The following ZCCHC14 variants were observed in gnomAD, a reference collection of about 807,000 sequenced individuals.
ZCCHC14 encodes zinc finger CCHC-type containing 14.
Under a neutral mutation model 85.0 loss-of-function variants are expected in ZCCHC14, and 16 were observed. That is an observed-to-expected ratio of 0.19 (90% CI 0.13 to 0.29). The LOEUF (loss-of-function observed/expected upper bound fraction) is 0.29. Among genes scored for constraint, ZCCHC14 ranks in the 10% least tolerant of loss-of-function variants. The pLI is 1.00. For missense variants in ZCCHC14, 1,303 were observed against 1,443.5 expected, an observed-to-expected ratio of 0.90 and a Z score of 1.58; for synonymous variants, 775 against 630.7, an observed-to-expected ratio of 1.23 and a Z score of -3.43.
chr16:87,430,008 C>T (rs910515304), intron 3 of ZCCHC14, among the ~76,000 whole-genome samples: 1 of 152,238 alleles, frequency 6.6e-6, no homozygotes, highest in Non-Finnish European at 1.5e-5. Context: ...TTCTCCTAAT[C>T]TTTGCCTTTT....
Position 87,407,192 on chromosome 16 carries a change from A to C in ZCCHC14, c.*3088T>G, listed in dbSNP as rs1597393849. 1 of 152,282 alleles carries C rather than the reference A, an allele frequency of 6.6e-6. No homozygotes were observed. The highest frequency in any genetic ancestry group is 1.5e-5 in the Non-Finnish European group (1 of 68,024). 9.4% of individuals were successfully genotyped at this position (152,282 alleles called of 1,614,324 possible). A position where few individuals can be genotyped will look rare whatever the true frequency, so the allele number is the denominator to read the frequency against. On this transcript the variant is annotated 3_prime_UTR_variant, in exon 13 of 13. Coordinates refer to ENST00000671377, the MANE Select transcript of ZCCHC14 (RefSeq NM_015144.3). Reference sequence around the variant, plus strand: ...AAGACAGAGTCTGTGGTATAAACTAACTGTGCTGACTTTGGGCAATAAAGG... The same window carrying C: ...AAGACAGAGTCTGTGGTATAAACTACCTGTGCTGACTTTGGGCAATAAAGG...
chr16:87,418,651 A>G (rs1908924496), intron 7 of ZCCHC14, among the ~76,000 whole-genome samples, 196 bp downstream of exon 7: 1 of 152,212 alleles, frequency 6.6e-6, no homozygotes, highest in Non-Finnish European at 1.5e-5. Flanking sequence ...AGTCCCTGGG[A>G]ATTCTGATTC....
chr16:87,438,268 G>A (rs1161890433), intron 2 of ZCCHC14, among the ~76,000 whole-genome samples: 3 of 152,266 alleles, frequency 2.0e-5, no homozygotes, highest in Non-Finnish European at 4.4e-5. Context: ...GACTCTGTGT[G>A]TCAACTGCAG....
At chr16:87,447,182 G>A (rs528853687) in intron 2 of ZCCHC14, among the ~76,000 whole-genome samples, 1 of 152,022 alleles carries the variant, frequency 6.6e-6, no homozygotes, top group Non-Finnish European at 1.5e-5. Context: ...TCTTAAAGAT[G>A]GCGGAAGAAA....
At chr16:87,416,732 G>A (rs1299198196) in intron 8 of ZCCHC14, among the ~76,000 whole-genome samples, 1 of 152,078 alleles carries the variant, frequency 6.6e-6, no homozygotes, top group South Asian at 2.1e-4. Context: ...CTCCAGCCCA[G>A]GTGGCAGTGC....
chr16:87,438,882 T>A (rs1010379906), intron 2 of ZCCHC14, among the ~76,000 whole-genome samples: 22 of 152,218 alleles, frequency 1.4e-4, no homozygotes, highest in African/African-American at 5.3e-4. Flanking sequence ...ATGGAGCCTA[T>A]GGCTCCAGAG....
chr16:87,412,294 G>C lies in ZCCHC14; in HGVS notation c.2427C>G (p.Pro809=), dbSNP rs746271176. 18 of 1,613,842 alleles carry C rather than the reference G, an allele frequency of 1.1e-5. No individual in the cohort carries two copies. Among genetic ancestry groups the C allele is most frequent in the Non-Finnish European group, 1.4e-5 (17 of 1,180,054 alleles). ...TGTTGGCTGTGTACAGAGCAGTCCG[G>C]GGGTTTATTATTGCAGGGGGCACAC... ...QISVPPAIIN[P]RTALYTANTK... The change falls in exon 12 of 13, where the codon CCC becomes CCG. Residue 809 remains proline, a synonymous_variant. Coordinates refer to ENST00000671377, the MANE Select transcript of ZCCHC14 (RefSeq NM_015144.3).
At position 87,492,713 on chromosome 16, in the gene ZCCHC14, G is replaced by GCCGCCCGCGCCT. The variant is rs1912829809; in HGVS notation, c.-487_-476dup. The GCCGCCCGCGCCT allele has an allele frequency of 6.9e-6, 1 of 145,104 alleles. No homozygotes were observed. Among genetic ancestry groups the GCCGCCCGCGCCT allele is most frequent in the African/African-American group, 2.5e-5 (1 of 40,532 alleles). 9.0% of individuals were successfully genotyped at this position (145,104 alleles called of 1,614,324 possible). Reference sequence around the variant, plus strand: ...GAGCCGCCCCGGCCATGCCGTCGCCGCCGCCCGCGCCTCCGCCCAGGCCGG... The same window carrying GCCGCCCGCGCCT: ...GAGCCGCCCCGGCCATGCCGTCGCCGCCGCCCGCGCCTCCGCCCGCGCCTCCGCCCAGGCCGG... On this transcript the variant is annotated 5_prime_UTR_variant, in exon 1 of 13. Transcript: ENST00000671377. This position sits in a 1 kb window ranked among gnomAD's most constrained non-coding sequence, Gnocchi z 6.7.
intron 4 of ZCCHC14, among the ~76,000 whole-genome samples, chr16:87,422,347 AG>A (rs1909143492): frequency 6.6e-6 from 1 of 152,188 alleles, no homozygotes; most frequent in South Asian, 2.1e-4. Flanking sequence ...CGGCAGCACC[AG>A]GGGTCTGAGG....
chr16:87,436,680 C>G (rs1909938537), intron 2 of ZCCHC14, among the ~76,000 whole-genome samples: 1 of 152,170 alleles, frequency 6.6e-6, no homozygotes, highest in Non-Finnish European at 1.5e-5. Flanking sequence ...ACACATTTAC[C>G]TATGTAACAA....
rs1908321591 is a variant in ZCCHC14, at chr16:87,409,018, G to A, written c.*1262C>T. ...TCAGACAAAAGGCTTTCATTTCCGT[G>A]GGTTGAAATTTAGAGATCTACAGTG... On this transcript the variant is annotated 3_prime_UTR_variant, in exon 13 of 13. Coordinates refer to ENST00000671377, the MANE Select transcript of ZCCHC14 (RefSeq NM_015144.3). 1 of 152,336 alleles carries A rather than the reference G, an allele frequency of 6.6e-6. No homozygotes were observed. The highest frequency in any genetic ancestry group is 1.5e-5 in the Non-Finnish European group (1 of 67,980). 9.4% of individuals were successfully genotyped at this position (152,336 alleles called of 1,614,324 possible).
intron 1 of ZCCHC14, among the ~76,000 whole-genome samples, chr16:87,482,797 C>T (rs1433931741): frequency 2.0e-5 from 3 of 152,140 alleles, no homozygotes; most frequent in Non-Finnish European, 4.4e-5. Context: ...AAATATAAAA[C>T]TAACTTTGTA....
intron 1 of ZCCHC14, among the ~76,000 whole-genome samples, chr16:87,477,120 C>CAAAAAAAAAAAAAAAAAAAAAAAAA (rs769416913): frequency 4.9e-5 from 2 of 40,632 alleles, no homozygotes; most frequent in African/African-American, 2.8e-4. Context: ...GACTCAGTCT[C>CAAAAAAAAAAAAAAAAAAAAAAAAA]AAAAAAAAAA....
intron 2 of ZCCHC14, among the ~76,000 whole-genome samples, chr16:87,436,096 C>T (rs1909907053): frequency 6.6e-6 from 1 of 152,110 alleles, no homozygotes; most frequent in African/African-American, 2.4e-5. Flanking sequence ...TACCTCATGT[C>T]CCAGGACTGA....
chr16:87,491,534 T>TG lies in ZCCHC14; in HGVS notation c.570+134dup. ...CGGGCTGGGGGCTCGTGGTGCAGGT[T>TG]GGAGACCTGGGTGGGAGCTCTCAGT... On this transcript the variant is annotated intron_variant, in intron 1 of 12. Transcript: ENST00000671377. This position sits in a 1 kb window ranked among gnomAD's most constrained non-coding sequence, Gnocchi z 5.9. 1.3e-6 allele frequency: 1 copy of TG among 741,474 alleles called. No individual in the cohort carries two copies. The highest frequency in any genetic ancestry group is 1.9e-6 in the Non-Finnish European group (1 of 524,144). The allele number at this position is 741,474 out of a possible 1,614,324, so 45.9% of individuals were successfully genotyped here. A position where few individuals can be genotyped will look rare whatever the true frequency, so the allele number is the denominator to read the frequency against.
chr16:87,469,999 G>T (rs571871357), intron 1 of ZCCHC14, among the ~76,000 whole-genome samples: 3 of 152,196 alleles, frequency 2.0e-5, no homozygotes, highest in African/African-American at 7.2e-5. Context: ...CAGCACTTTG[G>T]GGGGCTGAGG....
intron 3 of ZCCHC14, among the ~76,000 whole-genome samples, chr16:87,425,328 G>C (rs146958526): frequency 0.017 from 2,530 of 152,246 alleles, 25 homozygotes; most frequent in Middle Eastern, 0.044. Context: ...TGTAATCCCA[G>C]CACTTTGGGA....
At chr16:87,457,479 A>C (rs745977262) in intron 2 of ZCCHC14, among the ~76,000 whole-genome samples, 9 of 152,230 alleles carry the variant, frequency 5.9e-5, no homozygotes, top group Non-Finnish European at 1.0e-4. Context: ...AATAGGTATA[A>C]TCAGCCCTCA....
At chr16:87,421,012 G>A (rs984726023) in intron 4 of ZCCHC14, among the ~76,000 whole-genome samples, 12 of 152,210 alleles carry the variant, frequency 7.9e-5, no homozygotes, top group African/African-American at 2.2e-4. Flanking sequence ...AATTTCAAAC[G>A]GGACCTGCTC....
Sources: gnomAD v4.1 joint callset for allele counts (sites outside exome capture counted in the v4.1 genomes callset) on GRCh38, gnomAD v4.1.1 for gene constraint, Gnocchi (gnomAD v3.1) non-coding constraint, MANE v1.5 for transcripts, NCBI Gene and HGNC (gene_info 2026-07-23, HGNC 2026-07-21) for gene names.